Variants in HTT observed in about 807,000 individuals in gnomAD.
HTT encodes huntingtin.
A neutral mutation model predicts 362.3 loss-of-function variants in HTT; 104 were observed. The ratio of observed to expected loss-of-function variants is 0.29; its 90% confidence interval spans 0.24 to 0.34. The LOEUF is 0.34. Ranked by LOEUF, HTT falls within the 10% of genes least tolerant of loss-of-function variation. The pLI, the probability that HTT is intolerant of heterozygous loss-of-function variation, is 1.00. For synonymous variants in HTT, 1,577 were observed against 1,548.7 expected (o/e 1.02, Z -0.43); for missense variants, 3,301 against 3,928.6 (o/e 0.84, Z 4.27).
intron 50 of HTT, 90 bp downstream of exon 50, chr4:3,214,225 C>T (rs1005786106): frequency 1.9e-6 from 2 of 1,052,956 alleles, no homozygotes; most frequent in Non-Finnish European, 1.3e-6. Context: ...TTGCCAGGTA[C>T]TAAGCTAGGA....
chr4:3,147,095 C>G lies in HTT; in HGVS notation c.3295+147C>G. The G allele has an allele frequency of 3.7e-6, 3 of 817,900 alleles. No homozygotes were observed. The East Asian group carries it at 7.3e-5, about 20-fold the overall frequency. The allele number at this position is 817,900 out of a possible 1,614,324, so 50.7% of individuals were successfully genotyped here. A position where few individuals can be genotyped will look rare whatever the true frequency, so the allele number is the denominator to read the frequency against. Reference sequence around the variant, plus strand: ...CCTTTAGTCAAATTTCAGATGTTACCTATATGCATAAACACATGCAGTTGG... The same window carrying G: ...CCTTTAGTCAAATTTCAGATGTTACGTATATGCATAAACACATGCAGTTGG... On this transcript the variant is annotated intron_variant, in intron 25 of 66. Coordinates refer to ENST00000355072, the MANE Select transcript of HTT (RefSeq NM_001388492.1).
intron 29 of HTT, among the ~76,000 whole-genome samples, chr4:3,170,165 A>T (rs1325027747): frequency 6.6e-6 from 1 of 151,894 alleles, no homozygotes; most frequent in Non-Finnish European, 1.5e-5. Context: ...GATGCTATAT[A>T]TTTTTGTGTT....
chr4:3,115,539 A>G, intron 7 of HTT, 94 bp downstream of exon 7: 1 of 1,052,494 alleles, frequency 9.5e-7, no homozygotes, highest in Non-Finnish European at 1.4e-6. Flanking sequence ...CAGCTTCTAG[A>G]CCAGGCTATT....
rs73088165 is a variant in HTT at position 3,135,588 on chromosome 4, G to T, written c.2634-316G>T. ...GCGTGCATGAGTGGGCAGCAAGATA[G>T]CAGGTTATGGAGGGCCCAGCTCACC... On this transcript the variant is annotated intron_variant, in intron 19 of 66. Transcript: ENST00000355072. Among the ~76,000 whole-genome samples the T allele has an allele frequency of 6.0e-3, 921 of 152,254 alleles. 7 individuals carry two copies. Among genetic ancestry groups the T allele is most frequent in the African/African-American group, 0.021 (883 of 41,556 alleles).
chr4:3,228,480 G>T lies in HTT; in HGVS notation c.7849-135G>T. 1.0e-6 allele frequency: 1 copy of T among 958,890 alleles called. No individual in the cohort carries two copies. The highest frequency in any genetic ancestry group is 1.5e-6 in the Non-Finnish European group (1 of 673,746). The allele number at this position is 958,890 out of a possible 1,614,324, so 59.4% of individuals were successfully genotyped here. On this transcript the variant is annotated intron_variant, in intron 57 of 66. Transcript: ENST00000355072. The surrounding 1 kb of genome is among the most constrained non-coding windows in gnomAD (Gnocchi z 4.3). ...TGTGGGCTCCCTTGCCCGTAACCTG[G>T]GGTGTCTGAACGACCCTTGCTAAGG...
chr4:3,199,160 A>AGCTCCTGGAGGGCTTGGC (rs1179859564), intron 40 of HTT, among the ~76,000 whole-genome samples: 2 of 152,092 alleles, frequency 1.3e-5, no homozygotes, highest in African/African-American at 4.8e-5. Context: ...CTTGGCTTGG[A>AGCTCCTGGAGGGCTTGGC]GCTCCTGGAG....
chr4:3,208,680 T>G (rs1273375325), intron 45 of HTT, 93 bp from the exon 46 acceptor site: 1 of 1,230,768 alleles, frequency 8.1e-7, no homozygotes, highest in Non-Finnish European at 1.1e-6. Context: ...TTAGAGTGTA[T>G]ATTTCTAGAA....
Position 3,222,376 on chromosome 4 carries a change from T to G in HTT, c.7370-11T>G. ...GGTTGACACTCTCTCATGTAACATT[T>G]ATATTTCTAGGCTGGACCAGTCGTA... On this transcript the variant is annotated splice_polypyrimidine_tract_variant and intron_variant, in intron 53 of 66. Coordinates refer to ENST00000355072, the MANE Select transcript of HTT (RefSeq NM_001388492.1). The G allele has an allele frequency of 6.2e-7, 1 of 1,611,208 alleles. No homozygotes were observed. Among genetic ancestry groups the G allele is most frequent in the Non-Finnish European group, 8.5e-7 (1 of 1,177,410 alleles).
At chr4:3,232,781 G>A (rs989551935) in intron 60 of HTT, among the ~76,000 whole-genome samples, 1 of 152,274 alleles carries the variant, frequency 6.6e-6, no homozygotes, top group Admixed American at 6.5e-5. Flanking sequence ...GTGACAGCGC[G>A]TGTGCAGTGT....
At chr4:3,190,842 A>T (rs1718980603) in intron 40 of HTT, among the ~76,000 whole-genome samples, 1 of 152,248 alleles carries the variant, frequency 6.6e-6, no homozygotes, top group South Asian at 2.1e-4. Flanking sequence ...TGCTTTAAAT[A>T]AATGACTAAA....
intron 1 of HTT, among the ~76,000 whole-genome samples, chr4:3,077,691 T>G (rs2110132446): frequency 6.6e-6 from 1 of 152,368 alleles, no homozygotes. Flanking sequence ...GTGCTGGGAT[T>G]ACAGGTGTGA....
chr4:3,082,657 G>C (rs912447889), intron 1 of HTT, among the ~76,000 whole-genome samples: 3 of 152,164 alleles, frequency 2.0e-5, no homozygotes, highest in Non-Finnish European at 4.4e-5. Context: ...AGTTTGGGAA[G>C]CTCCACTGTA....
intron 60 of HTT, among the ~76,000 whole-genome samples, chr4:3,230,823 C>G (rs1229638836): frequency 6.6e-6 from 1 of 152,116 alleles, no homozygotes; most frequent in Non-Finnish European, 1.5e-5. Context: ...TCATCACCTC[C>G]CAAGGCCCCA....
intron 65 of HTT, 77 bp from the exon 66 acceptor site, chr4:3,238,735 CACCCCA>C: frequency 4.8e-6 from 5 of 1,047,582 alleles, no homozygotes; most frequent in Non-Finnish European, 5.6e-6. Flanking sequence ...CTCTGGCCCC[CACCCCA>C]CCCCCGCCAC....
intron 6 of HTT, among the ~76,000 whole-genome samples, chr4:3,108,470 G>A (rs898274756): frequency 2.0e-5 from 3 of 152,176 alleles, no homozygotes; most frequent in Non-Finnish European, 2.9e-5. Flanking sequence ...CTCCTTTGTG[G>A]TCAGAGGCTG....
At position 3,223,578 on chromosome 4, in the gene HTT, CG is replaced by C. The variant is rs376085472; in HGVS notation, c.7625+19del. 1 of 1,591,210 alleles carries C rather than the reference CG, an allele frequency of 6.3e-7. No homozygotes were observed. Among genetic ancestry groups the C allele is most frequent in the African/African-American group, 1.3e-5 (1 of 74,646 alleles). ...GACACCAGGTTTGCTTGAGTTCCCA[CG>C]TGTCTCTGGGACATAGCAGGTGCTG... On this transcript the variant is annotated intron_variant, in intron 55 of 66. Transcript: ENST00000355072.
At chr4:3,132,410 TAATCAC>T in intron 16 of HTT, 146 bp from the exon 17 acceptor site, 1 of 562,262 alleles carries the variant, frequency 1.8e-6, no homozygotes, top group African/African-American at 1.9e-5. Flanking sequence ...TTTTTTTTTT[TAATCAC>T]TTAGGGTTAT....
intron 57 of HTT, among the ~76,000 whole-genome samples, chr4:3,226,889 C>T (rs1173171745): frequency 6.6e-6 from 1 of 152,224 alleles, no homozygotes; most frequent in East Asian, 1.9e-4. Flanking sequence ...CTGTATTTTT[C>T]TAGACATAGT....
intron 26 of HTT, among the ~76,000 whole-genome samples, chr4:3,148,723 G>A (rs1226995915): frequency 1.3e-5 from 2 of 152,188 alleles, no homozygotes; most frequent in South Asian, 2.1e-4. Flanking sequence ...GCGTGAATCC[G>A]GGAGGCGGAG....
Sources: allele counts gnomAD v4.1 joint callset (sites outside exome capture counted in the v4.1 genomes callset), GRCh38; gene constraint gnomAD v4.1.1; non-coding constraint Gnocchi (gnomAD v3.1); transcripts MANE v1.5; gene names NCBI Gene and HGNC (gene_info 2026-07-23, HGNC 2026-07-21).